PPP1R13L: variants seen among roughly 807,000 people sequenced by gnomAD.
PPP1R13L encodes the protein protein phosphatase 1 regulatory subunit 13 like.
PPP1R13L carries 50 observed loss-of-function variants against 80.9 expected under a neutral mutation model. The ratio of observed to expected loss-of-function variants is 0.62; its 90% CI spans 0.49 to 0.78. The LOEUF is 0.78. PPP1R13L is among the 30% of genes least tolerant of loss of function. The pLI is 0.00. For synonymous variants in PPP1R13L, 602 were observed against 534.3 expected (o/e 1.13, Z -1.75); for missense variants, 1,200 against 1,205.9 (o/e 1.00, Z 0.07).
rs754562820 is a variant in PPP1R13L at position 45,381,609 on chromosome 19, G to A, written c.2448+918C>T. ...AAATAACTAGTAAGGCAGTACTGGC[G>A]AGCACCCTACATCCTGACAGCTTTA... On this transcript the variant is annotated intron_variant, in intron 12 of 12. Transcript: ENST00000360957. 3.3e-5 allele frequency among the ~76,000 whole-genome samples: 5 copies of A among 151,998 alleles called. 1 individual carries two copies. Among genetic ancestry groups the A allele is most frequent in the Non-Finnish European group, 7.4e-5 (5 of 68,014 alleles).
intron 3 of PPP1R13L, among the ~76,000 whole-genome samples, 188 bp from the exon 4 acceptor site, chr19:45,397,246 G>A (rs1456410165): frequency 6.6e-6 from 1 of 152,068 alleles, no homozygotes; most frequent in Non-Finnish European, 1.5e-5. Flanking sequence ...CAGCACTGTG[G>A]CTAGCCCATT....
rs1373537743 is a variant in PPP1R13L, at chr19:45,386,195, G to A, written c.1816-15C>T. 4.2e-5 allele frequency: 63 copies of A among 1,501,816 alleles called. No homozygotes were observed. The highest frequency in any genetic ancestry group is 5.4e-5 in the Non-Finnish European group (61 of 1,139,150). 93.0% of individuals were successfully genotyped at this position (1,501,816 alleles called of 1,614,324 possible). A position where few individuals can be genotyped will look rare whatever the true frequency, so the allele number is the denominator to read the frequency against. Reference sequence around the variant, plus strand: ...GAGCGCATCTCCTGGGGGACAGGGCGCAGAGGTCAGCGACTTGGAGGGATT... The same window carrying A: ...GAGCGCATCTCCTGGGGGACAGGGCACAGAGGTCAGCGACTTGGAGGGATT... On this transcript the variant is annotated splice_polypyrimidine_tract_variant and intron_variant, in intron 8 of 12. Transcript: ENST00000360957.
chr19:45,381,797 G>T (rs936248410), intron 12 of PPP1R13L, among the ~76,000 whole-genome samples: 1 of 150,322 alleles, frequency 6.7e-6, no homozygotes, highest in African/African-American at 2.5e-5. Flanking sequence ...AAAATTAGCC[G>T]TGCGTGGTGG....
At chr19:45,404,660 G>A (rs188695653) in intron 1 of PPP1R13L, among the ~76,000 whole-genome samples, 11 of 152,282 alleles carry the variant, frequency 7.2e-5, no homozygotes, top group African/African-American at 2.6e-4. Flanking sequence ...ACCAGTCTGA[G>A]CCTCTCATTT....
chr19:45,406,012 C>G (rs1973346699), upstream of PPP1R13L, among the ~76,000 whole-genome samples: 1 of 152,206 alleles, frequency 6.6e-6, no homozygotes, highest in African/African-American at 2.4e-5. The surrounding 1 kb of genome is among the most constrained non-coding windows in gnomAD (Gnocchi z 4.2). Flanking sequence ...CCCATTTGAT[C>G]CACAAACGCT....
chr19:45,397,012 C>A lies in PPP1R13L; in HGVS notation c.245G>T (p.Arg82Leu). Residue 82 changes from arginine (R) to leucine (L), a missense_variant, in exon 4 of 13, where the codon CGA becomes CTA. Transcript: ENST00000360957. Reference protein sequence around the residue: ...SSSIPEPFGSRGSPRKAATDG... With the variant: ...SSSIPEPFGSLGSPRKAATDG... ...GGTGGCCGCCTTCCGGGGGGACCCT[C>A]GGCTGCCGAAGGGCTCAGGGATCGA... 1 of 1,367,650 alleles carries A rather than the reference C, an allele frequency of 7.3e-7. No homozygotes were observed. Among genetic ancestry groups the A allele is most frequent in the East Asian group, 2.8e-5 (1 of 35,336 alleles). The allele number at this position is 1,367,650 out of a possible 1,614,324, so 84.7% of individuals were successfully genotyped here. A position where few individuals can be genotyped will look rare whatever the true frequency, so the allele number is the denominator to read the frequency against.
At chr19:45,397,905 C>G (rs1302060386) in intron 3 of PPP1R13L, 100 bp downstream of exon 3, 1 of 1,460,366 alleles carries the variant, frequency 6.8e-7, no homozygotes, top group African/African-American at 1.4e-5. Context: ...AGCCCACAAC[C>G]TGCATAACTA....
chr19:45,385,511 CG>C (rs773380106), intron 11 of PPP1R13L, 50 bp downstream of exon 11: 10 of 1,538,966 alleles, frequency 6.5e-6, no homozygotes, highest in Non-Finnish European at 8.8e-6. Flanking sequence ...CTCCCCTCCC[CG>C]CTCCTGCGCA....
At chr19:45,401,011 C>T (rs1256245003) in intron 1 of PPP1R13L, among the ~76,000 whole-genome samples, 1 of 104,396 alleles carries the variant, frequency 9.6e-6, no homozygotes, top group Non-Finnish European at 1.7e-5. Context: ...CTCCTGACCT[C>T]ATGATCCGCC....
In PPP1R13L at chr19:45,392,161, G is replaced by A. The variant is rs1972988626; in HGVS notation, c.1534C>T (p.Arg512Trp). The A allele has an allele frequency of 2.5e-6, 4 of 1,599,406 alleles. No individual in the cohort carries two copies. The highest frequency in any genetic ancestry group is 1.1e-5 in the South Asian group (1 of 89,306). ...QSVPELEEVARVLAEIPRPLK... is the reference protein window; with the variant it reads ...QSVPELEEVAWVLAEIPRPLK... ...GGCCGGGGAATTTCCGCCAACACCCGTGCCACCTCCTCCAGCTCGGGCACC... is the reference window on the plus strand; with the variant it reads ...GGCCGGGGAATTTCCGCCAACACCCATGCCACCTCCTCCAGCTCGGGCACC... The change falls in exon 8 of 13, where the codon CGG (arginine) becomes TGG (tryptophan). Residue 512 changes from arginine to tryptophan, a missense_variant. Coordinates refer to ENST00000360957, the MANE Select transcript of PPP1R13L (RefSeq NM_006663.4).
Position 45,397,472 on chromosome 19 carries a change from CTCTTTCTTTCTT to C in PPP1R13L, c.199-426_199-415del, listed in dbSNP as rs71173161. On this transcript the variant is annotated intron_variant, in intron 3 of 12. Transcript: ENST00000360957. ...CCCTGCTTGCTTGCTTTCTCTCTCT[CTCTTTCTTTCTT>C]TCTTTCTTTCTTTCTTTCTTTCTTT... is the stretch of plus-strand genomic sequence containing the variant. Among the ~76,000 whole-genome samples the C allele has an allele frequency of 6.7e-4, 56 of 83,404 alleles. 1 individual carries two copies. Among genetic ancestry groups the C allele is most frequent in the African/African-American group, 1.9e-3 (40 of 20,884 alleles). The allele number at this position is 83,404 out of a possible 152,430, so 54.7% of individuals were successfully genotyped here.
Position 45,395,698 on chromosome 19 carries a change from G to C in PPP1R13L, c.1092C>G (p.Ala364=). The part of the protein sequence containing the change: ...MPPSSPQPRG[A]PRQRPIPLSM... Reference sequence around the variant, plus strand: ...TGAGGGGGATGGGACGCTGGCGCGGGGCCCCGCGGGGCTGGGGGCTGGAGG... The same window carrying C: ...TGAGGGGGATGGGACGCTGGCGCGGCGCCCCGCGGGGCTGGGGGCTGGAGG... Residue 364 remains alanine, a synonymous_variant, in exon 7 of 13, where the codon GCC becomes GCG. Transcript: ENST00000360957. The C allele has an allele frequency of 7.0e-7, 1 of 1,428,656 alleles. No individual in the cohort carries two copies. Among genetic ancestry groups the C allele is most frequent in the Non-Finnish European group, 9.1e-7 (1 of 1,099,656 alleles). The allele number at this position is 1,428,656 out of a possible 1,614,324, so 88.5% of individuals were successfully genotyped here. A position where few individuals can be genotyped will look rare whatever the true frequency, so the allele number is the denominator to read the frequency against.
chr19:45,403,806 TC>T (rs1174976320), intron 1 of PPP1R13L, among the ~76,000 whole-genome samples: 3 of 151,934 alleles, frequency 2.0e-5, no homozygotes, highest in African/African-American at 7.3e-5. Context: ...GATGCTCGCC[TC>T]CCCCATTCTG....
rs1019848424 is a variant in PPP1R13L at position 45,396,073 on chromosome 19, T to G, written c.903+95A>C. 1.4e-6 allele frequency: 2 copies of G among 1,422,480 alleles called. No homozygotes were observed. Among genetic ancestry groups the G allele is most frequent in the East Asian group, 5.0e-5 (2 of 40,060 alleles). 88.1% of individuals were successfully genotyped at this position (1,422,480 alleles called of 1,614,324 possible). A position where few individuals can be genotyped will look rare whatever the true frequency, so the allele number is the denominator to read the frequency against. On this transcript the variant is annotated intron_variant, in intron 6 of 12. Coordinates refer to ENST00000360957, the MANE Select transcript of PPP1R13L (RefSeq NM_006663.4). This position sits in a 1 kb window ranked among gnomAD's most constrained non-coding sequence, Gnocchi z 5.3. Reference sequence around the variant, plus strand: ...GTGGGAACGGGCGCCGAGACCCAGATCGCAGCCCCGAGGGGGAGACTGGCC... The same window carrying G: ...GTGGGAACGGGCGCCGAGACCCAGAGCGCAGCCCCGAGGGGGAGACTGGCC...
At chr19:45,380,331 C>T in intron 12 of PPP1R13L, 103 bp from the exon 13 acceptor site, 1 of 1,298,004 alleles carries the variant, frequency 7.7e-7, no homozygotes, top group Non-Finnish European at 1.1e-6. Flanking sequence ...CTAAGGGGAC[C>T]TCTCAGCACC....
At chr19:45,391,359 C>T (rs1365373361) in intron 8 of PPP1R13L, among the ~76,000 whole-genome samples, 3 of 152,154 alleles carry the variant, frequency 2.0e-5, no homozygotes, top group African/African-American at 4.8e-5. Context: ...GTGTATGACT[C>T]GAGATTGCTG....
Position 45,385,649 on chromosome 19 carries a change from C to T in PPP1R13L, c.2161G>A (p.Ala721Thr), listed in dbSNP as rs1434112002. The T allele has an allele frequency of 9.3e-6, 15 of 1,613,072 alleles. No individual in the cohort carries two copies. The highest frequency in any genetic ancestry group is 2.2e-5 in the East Asian group (1 of 44,884). The change falls in exon 11 of 13, where the codon GCC (alanine) becomes ACC (threonine). Residue 721 changes from alanine to threonine, a missense_variant. Physicochemically the swap from Ala to Thr is moderately conservative, Grantham distance 58. Around this residue, in one of 5 missense-constraint regions of PPP1R13L, gnomAD observed 165 missense variants for 177.1 expected, o/e 0.93. Coordinates refer to ENST00000360957, the MANE Select transcript of PPP1R13L (RefSeq NM_006663.4). ...GTGGCGCCGTCGCTGAGCGTGGTGG[C>T]GAAGATTGCAGCGCCGTGCTGCACC... is the stretch of plus-strand genomic sequence containing the variant. ...ALVQHGAAIF[A>T]TTLSDGATAF...
intron 1 of PPP1R13L, 79 bp from the exon 2 acceptor site, chr19:45,398,418 G>C: frequency 2.8e-6 from 4 of 1,409,572 alleles, no homozygotes; most frequent in Admixed American, 2.0e-5. Flanking sequence ...ACGCCGTCAG[G>C]AGCGGGACAA....
chr19:45,401,354 C>CA (rs34884152), intron 1 of PPP1R13L, among the ~76,000 whole-genome samples: 3,405 of 116,324 alleles, frequency 0.029, 87 homozygotes, highest in African/African-American at 0.066. Flanking sequence ...GACTCCGTCC[C>CA]AAAAAAAAAA....
Sources: gnomAD v4.1 joint callset for allele counts (sites outside exome capture counted in the v4.1 genomes callset) on GRCh38, gnomAD v4.1.1 for gene constraint, gnomAD v4.1.1 regional missense constraint, Gnocchi (gnomAD v3.1) non-coding constraint, MANE v1.5 for transcripts, NCBI Gene and HGNC (gene_info 2026-07-23, HGNC 2026-07-21) for gene names.